Variants in MEI1 observed in about 807,000 individuals in gnomAD.
MEI1 encodes the protein meiosis inhibitor protein 1.
A neutral mutation model predicts 146.2 loss-of-function variants in MEI1; 103 were observed. That is an observed-to-expected ratio of 0.70 (90% CI 0.60 to 0.83). MEI1 has a LOEUF of 0.83. MEI1 is among the 40% of genes least tolerant of loss of function. The probability of loss-of-function intolerance (pLI) is 0.00; values close to 1 mark genes in which losing one functional copy is unlikely to be tolerated. For synonymous variants in MEI1, 652 were observed against 628.2 expected, an observed-to-expected ratio of 1.04 and a Z score of -0.57; for missense variants, 1,529 against 1,533.0, an observed-to-expected ratio of 1.00 and a Z score of 0.04.
intron 26 of MEI1, among the ~76,000 whole-genome samples, chr22:41,793,157 C>T (rs939867840): frequency 2.7e-5 from 4 of 150,460 alleles, no homozygotes; most frequent in Non-Finnish European, 4.4e-5. Context: ...CTGCCTCAGC[C>T]GCCCAAGTAG....
intron 4 of MEI1, 147 bp downstream of exon 4, chr22:41,714,222 A>G (rs56251024): frequency 1.4e-6 from 1 of 699,902 alleles, no homozygotes. Flanking sequence ...GTCAGAGCTA[A>G]GGCCTGGGTC....
At chr22:41,743,852 G>A (rs567829134) in intron 12 of MEI1, among the ~76,000 whole-genome samples, 13 of 152,198 alleles carry the variant, frequency 8.5e-5, no homozygotes, top group African/African-American at 2.6e-4. Flanking sequence ...AGAGACTGTA[G>A]GTTAGGGTCC....
chr22:41,765,464 G>A (rs963356204), intron 19 of MEI1, among the ~76,000 whole-genome samples: 1 of 152,200 alleles, frequency 6.6e-6, no homozygotes, highest in Non-Finnish European at 1.5e-5. Context: ...CTGGGTGACA[G>A]AGTAAGACGT....
chr22:41,771,631 G>T (rs1345261773), intron 20 of MEI1, among the ~76,000 whole-genome samples: 1 of 151,896 alleles, frequency 6.6e-6, no homozygotes, highest in East Asian at 1.9e-4. Flanking sequence ...AAGAGATGGG[G>T]TTTCACCAGG....
At chr22:41,720,758 G>A (rs2070706391) in intron 6 of MEI1, among the ~76,000 whole-genome samples, 1 of 150,850 alleles carries the variant, frequency 6.6e-6, no homozygotes, top group African/African-American at 2.4e-5. Flanking sequence ...CACCATGCCC[G>A]GCTAATTTAT....
intron 19 of MEI1, among the ~76,000 whole-genome samples, chr22:41,765,444 G>A (rs772162337): frequency 8.5e-5 from 13 of 152,226 alleles, no homozygotes; most frequent in Non-Finnish European, 1.9e-4. Context: ...TCATGCCACC[G>A]CACTCCAGCC....
At chr22:41,751,760 G>A (rs1303334580) in intron 15 of MEI1, among the ~76,000 whole-genome samples, 1 of 121,506 alleles carries the variant, frequency 8.2e-6, no homozygotes, top group Non-Finnish European at 1.7e-5. Flanking sequence ...CAACAAGCGT[G>A]AAACTCCATC....
intron 19 of MEI1, chr22:41,767,669 C>T (rs144211665): frequency 2.2e-5 from 10 of 451,290 alleles, no homozygotes; most frequent in African/African-American, 1.6e-4. Flanking sequence ...TTCAGCTACT[C>T]AACCAATGTG....
intron 21 of MEI1, among the ~76,000 whole-genome samples, chr22:41,777,389 C>A (rs1467290676): frequency 6.6e-6 from 1 of 151,960 alleles, no homozygotes; most frequent in Non-Finnish European, 1.5e-5. Flanking sequence ...CTCCTGACCT[C>A]AAGTGATCCG....
intron 18 of MEI1, 78 bp downstream of exon 18, chr22:41,758,611 C>A: frequency 1.4e-6 from 2 of 1,417,814 alleles, no homozygotes; most frequent in Non-Finnish European, 1.9e-6. Context: ...ATAAGGGCAT[C>A]TCTCCAAGCC....
At chr22:41,781,112 A>G (rs2148148476) in intron 22 of MEI1, among the ~76,000 whole-genome samples, 172 bp from the exon 23 acceptor site, 1 of 152,284 alleles carries the variant, frequency 6.6e-6, no homozygotes, top group East Asian at 1.9e-4. Context: ...GAGGGTGTGA[A>G]TGTGCCTTAA....
chr22:41,770,209 G>T (rs897465512), intron 19 of MEI1, among the ~76,000 whole-genome samples: 1 of 151,994 alleles, frequency 6.6e-6, no homozygotes, highest in Admixed American at 6.6e-5. Flanking sequence ...TAAGTGCACA[G>T]ATTAATCTGC....
chr22:41,701,151 T>C (rs2068698287), intron 1 of MEI1, among the ~76,000 whole-genome samples: 3 of 151,842 alleles, frequency 2.0e-5, no homozygotes, highest in Non-Finnish European at 4.4e-5. Flanking sequence ...GTTGGTCAGG[T>C]TGGTGTTGAA....
At chr22:41,735,716 G>A (rs912094680) in intron 11 of MEI1, among the ~76,000 whole-genome samples, 1 of 151,996 alleles carries the variant, frequency 6.6e-6, no homozygotes, top group Non-Finnish European at 1.5e-5. Context: ...CTTTCATTTT[G>A]GTAAGGAGTA....
At chr22:41,754,809 G>T (rs993880490) in intron 17 of MEI1, among the ~76,000 whole-genome samples, 1 of 152,172 alleles carries the variant, frequency 6.6e-6, no homozygotes, top group Non-Finnish European at 1.5e-5. Flanking sequence ...ACAAAGCCCT[G>T]CTGTCATAAA....
intron 14 of MEI1, 148 bp downstream of exon 14, chr22:41,746,174 G>T: frequency 1.6e-6 from 1 of 607,446 alleles, no homozygotes; most frequent in Non-Finnish European, 2.5e-6. Flanking sequence ...CCTTTCCTTT[G>T]TTCTAAAAAT....
chr22:41,749,005 C>T lies in MEI1; in HGVS notation c.1792+787C>T, dbSNP rs1286641206. On this transcript the variant is annotated intron_variant, in intron 15 of 30. Transcript: ENST00000401548. ...TTTTTTAGTAGAGACGGGGTTTCAC[C>T]GTGTTAGCCAGGATGGTCTCGATCT... Among the ~76,000 whole-genome samples the T allele has an allele frequency of 3.3e-5, 5 of 152,106 alleles. No individual in the cohort carries two copies. In the East Asian group the frequency reaches 5.8e-4, roughly 18 times the overall value.
intron 1 of MEI1, among the ~76,000 whole-genome samples, chr22:41,700,100 C>T (rs2068581754): frequency 6.6e-6 from 1 of 150,444 alleles, no homozygotes; most frequent in Admixed American, 6.6e-5. Flanking sequence ...TTCAGCCTCC[C>T]GCCATTTCAG....
In MEI1 at chr22:41,744,924, C is replaced by G. The variant is rs376182025; in HGVS notation, c.1447-49C>G. 2.8e-5 allele frequency: 34 copies of G among 1,195,292 alleles called. No individual in the cohort carries two copies. The African/African-American group carries it at 4.7e-4, about 16-fold the overall frequency. 74.0% of individuals were successfully genotyped at this position (1,195,292 alleles called of 1,614,324 possible). ...ACAGTCATCCAAGCATAGACTGAGA[C>G]ACAGCATATACTTGATCACTAGGTT... On this transcript the variant is annotated intron_variant, in intron 12 of 30. Transcript: ENST00000401548.
Sources: allele counts gnomAD v4.1 joint callset (sites outside exome capture counted in the v4.1 genomes callset), GRCh38; gene constraint gnomAD v4.1.1; transcripts MANE v1.5; gene names NCBI Gene and HGNC (gene_info 2026-07-23, HGNC 2026-07-21).